Variants in ZNF740 observed in about 807,000 individuals in gnomAD.
ZNF740 encodes the protein zinc finger protein 740.
Under a neutral mutation model 24.8 loss-of-function variants are expected in ZNF740, and 14 were observed. The ratio of observed to expected loss-of-function variants is 0.56; its 90% CI spans 0.37 to 0.88. The LOEUF (loss-of-function observed/expected upper bound fraction) is 0.88, where lower values mean the gene tolerates loss of function less well. ZNF740 is among the 40% of genes least tolerant of loss of function. ZNF740 has a pLI of 0.00. For missense variants in ZNF740, 201 were observed against 247.9 expected, an observed-to-expected ratio of 0.81 and a Z score of 1.27; for synonymous variants, 69 against 84.0, an observed-to-expected ratio of 0.82 and a Z score of 0.98.
chr12:53,184,124 T>G (rs984809401), intron 2 of ZNF740, among the ~76,000 whole-genome samples: 25 of 119,522 alleles, frequency 2.1e-4, no homozygotes, highest in African/African-American at 9.3e-4. Flanking sequence ...GGTGTGTGTG[T>G]GTGTGTGTGT....
In ZNF740 at chr12:53,185,005, G is replaced by T. The variant is rs1229567328; in HGVS notation, c.124G>T (p.Ala42Ser). The T allele has an allele frequency of 6.2e-7, 1 of 1,614,048 alleles. No individual in the cohort carries two copies. The highest frequency in any genetic ancestry group is 1.3e-5 in the African/African-American group (1 of 75,060). The change falls in exon 3 of 7, where the codon GCA becomes TCA. Residue 42 changes from alanine to serine, a missense_variant. Physicochemically the swap from Ala to Ser is moderately conservative, Grantham distance 99 (BLOSUM62 1). Coordinates refer to ENST00000416904, the MANE Select transcript of ZNF740 (RefSeq NM_001004304.4). ...CAAGCAGGCCGAGAATGGCGAGCGG[G>T]CAGGTAGCCCTGATGTGCTGAGGTG... Reference protein sequence around the residue: ...ASKQAENGERAGSPDVLRCSS... With the variant: ...ASKQAENGERSGSPDVLRCSS...
chr12:53,193,552 TG>T lies in ZNF740; in HGVS notation c.*5964del. ...GGGAGCCCCAGTCAGGGGGAGGGCC[TG>T]GACATACATGGGAAGCTTCAAGGGA... On this transcript the variant is annotated 3_prime_UTR_variant, in exon 7 of 7. Coordinates refer to ENST00000416904, the MANE Select transcript of ZNF740 (RefSeq NM_001004304.4). The T allele has an allele frequency of 1.3e-6, 1 of 767,604 alleles. No individual in the cohort carries two copies. The highest frequency in any genetic ancestry group is 2.1e-6 in the Non-Finnish European group (1 of 478,994). 47.5% of individuals were successfully genotyped at this position (767,604 alleles called of 1,614,324 possible). A position where few individuals can be genotyped will look rare whatever the true frequency, so the allele number is the denominator to read the frequency against.
rs1941935280 is a variant in ZNF740, at chr12:53,191,362, C to T, written c.*3772C>T. The T allele has an allele frequency of 3.3e-6, 2 of 607,960 alleles. No individual in the cohort carries two copies. The highest frequency in any genetic ancestry group is 5.2e-5 in the Admixed American group (2 of 38,192). 37.7% of individuals were successfully genotyped at this position (607,960 alleles called of 1,614,324 possible). A position where few individuals can be genotyped will look rare whatever the true frequency, so the allele number is the denominator to read the frequency against. Reference sequence around the variant, plus strand: ...TTATTGTATACTTGGGTGGGGTAGCCCAGATGGATGCAAGGTTGCAGGCAT... The same window carrying T: ...TTATTGTATACTTGGGTGGGGTAGCTCAGATGGATGCAAGGTTGCAGGCAT... On this transcript the variant is annotated 3_prime_UTR_variant, in exon 7 of 7. Coordinates refer to ENST00000416904, the MANE Select transcript of ZNF740 (RefSeq NM_001004304.4).
rs1592388152 is a variant in ZNF740, at chr12:53,186,289, G to GGT, written c.374-99_374-98dup. Reference sequence around the variant, plus strand: ...ACCTCTCCCCATTTATGATCACTTAGGTGTCTACACATTACTAAGAGTTAA... The same window carrying GGT: ...ACCTCTCCCCATTTATGATCACTTAGGTGTGTCTACACATTACTAAGAGTTAA... On this transcript the variant is annotated intron_variant, in intron 5 of 6. Transcript: ENST00000416904. The GGT allele has an allele frequency of 7.4e-6, 9 of 1,212,232 alleles. No individual in the cohort carries two copies. In the East Asian group the frequency reaches 2.3e-4, roughly 31 times the overall value. 75.1% of individuals were successfully genotyped at this position (1,212,232 alleles called of 1,614,324 possible). A position where few individuals can be genotyped will look rare whatever the true frequency, so the allele number is the denominator to read the frequency against.
chr12:53,194,650 G>A lies in ZNF740; in HGVS notation c.*7060G>A. On this transcript the variant is annotated 3_prime_UTR_variant, in exon 7 of 7. Transcript: ENST00000416904. ...ACCATGTTTGTGAAGCCCCACATCA[G>A]GACACATAACCTGGGTGCATGCCAG... is the stretch of plus-strand genomic sequence containing the variant. The A allele has an allele frequency of 3.3e-6, 1 of 301,824 alleles. No individual in the cohort carries two copies. Among genetic ancestry groups the A allele is most frequent in the Non-Finnish European group, 6.4e-6 (1 of 156,922 alleles). 18.7% of individuals were successfully genotyped at this position (301,824 alleles called of 1,614,324 possible).
rs1941919356 is a variant in ZNF740, at chr12:53,190,807, ATGTT to A, written c.*3218_*3221del. The A allele has an allele frequency of 6.6e-6, 1 of 151,996 alleles. No individual in the cohort carries two copies. The highest frequency in any genetic ancestry group is 1.5e-5 in the Non-Finnish European group (1 of 68,068). 9.4% of individuals were successfully genotyped at this position (151,996 alleles called of 1,614,324 possible). ...TCTTTTTACCATTAAAGTGCAGTGT[ATGTT>A]CCTTCGTGATATATTTAGGATATTT... is the stretch of plus-strand genomic sequence containing the variant. On this transcript the variant is annotated 3_prime_UTR_variant, in exon 7 of 7. Transcript: ENST00000416904.
chr12:53,187,446 C>A, intron 6 of ZNF740, 55 bp from the exon 7 acceptor site: 1 of 1,475,324 alleles, frequency 6.8e-7, no homozygotes, highest in Non-Finnish European at 9.4e-7. Flanking sequence ...AATGAGTTAG[C>A]CAACAGGTAG....
In ZNF740 at chr12:53,192,394, C is replaced by A; in HGVS notation, c.*4804C>A. 1 of 1,614,130 alleles carries A rather than the reference C, an allele frequency of 6.2e-7. No individual in the cohort carries two copies. Among genetic ancestry groups the A allele is most frequent in the African/African-American group, 1.3e-5 (1 of 75,026 alleles). On this transcript the variant is annotated 3_prime_UTR_variant, in exon 7 of 7. Coordinates refer to ENST00000416904, the MANE Select transcript of ZNF740 (RefSeq NM_001004304.4). ...CGTCATCCTCCACCAAGAAGAAGAA[C>A]AGCTGGTTGTCCAGGGTCCGCTCTT... is the stretch of plus-strand genomic sequence containing the variant.
chr12:53,185,837 T>G, intron 4 of ZNF740, 117 bp from the exon 5 acceptor site: 1 of 1,393,312 alleles, frequency 7.2e-7, no homozygotes, highest in Non-Finnish European at 9.7e-7. Context: ...GGCAGCACCT[T>G]TAGACAGCAT....
chr12:53,184,113 G>GT (rs1214308586), intron 2 of ZNF740, among the ~76,000 whole-genome samples: 5 of 103,222 alleles, frequency 4.8e-5, no homozygotes, highest in African/African-American at 1.7e-4. Context: ...TGAAGCTAAG[G>GT]GGTGTGTGTG....
In ZNF740 at chr12:53,185,464, G is replaced by T. The variant is rs1414576306; in HGVS notation, c.237G>T (p.Lys79Asn). The T allele has an allele frequency of 6.2e-7, 1 of 1,613,902 alleles. No homozygotes were observed. The change falls in exon 4 of 7, where the codon AAG becomes AAT. Residue 79 changes from lysine (K) to asparagine (N), a missense_variant. Around this residue, in one of 3 missense-constraint regions of ZNF740, gnomAD observed 117 missense variants for 122.3 expected, o/e 0.96. Coordinates refer to ENST00000416904, the MANE Select transcript of ZNF740 (RefSeq NM_001004304.4). ...DSLSEASHSK[K>N]TVKKVVVVEQ... ...TGTCTGAGGCCTCTCATTCAAAAAA[G>T]ACTGTTAAAAAGGCAGGTAATGGGG...
At chr12:53,184,283 G>A (rs182859107) in intron 2 of ZNF740, among the ~76,000 whole-genome samples, 2 of 151,940 alleles carry the variant, frequency 1.3e-5, no homozygotes, top group Non-Finnish European at 2.9e-5. Context: ...CCGCCTCCCG[G>A]GTTCAAGCAA....
In ZNF740 at chr12:53,192,242, C is replaced by T; in HGVS notation, c.*4652C>T. On this transcript the variant is annotated 3_prime_UTR_variant, in exon 7 of 7. Transcript: ENST00000416904. Reference sequence around the variant, plus strand: ...TCACAGTTCTGCTTCAGCCCCCAGCCTGTTTCCCATTATCTTCACTCTGCA... The same window carrying T: ...TCACAGTTCTGCTTCAGCCCCCAGCTTGTTTCCCATTATCTTCACTCTGCA... 7.1e-7 allele frequency: 1 copy of T among 1,416,568 alleles called. No individual in the cohort carries two copies. 87.7% of individuals were successfully genotyped at this position (1,416,568 alleles called of 1,614,324 possible).
intron 5 of ZNF740, 80 bp downstream of exon 5, chr12:53,186,157 T>A: frequency 3.3e-6 from 5 of 1,516,944 alleles, no homozygotes; most frequent in Non-Finnish European, 4.5e-6. Context: ...TCTAGTTGGG[T>A]TTATTTTAAT....
In ZNF740 at chr12:53,181,738, ACT is replaced by A. The variant is rs747820214; in HGVS notation, c.-241_-240del. On this transcript the variant is annotated 5_prime_UTR_variant, in exon 2 of 7. Transcript: ENST00000416904. ...TCAACTGGAAAACCAAGACTGGTAG[ACT>A]CTCTTTTTCTTCAGACAATAGGCAG... 6.5e-5 allele frequency: 35 copies of A among 540,192 alleles called. No individual in the cohort carries two copies. The highest frequency in any genetic ancestry group is 3.5e-4 in the East Asian group (10 of 28,790). The allele number at this position is 540,192 out of a possible 1,614,324, so 33.5% of individuals were successfully genotyped here.
At chr12:53,186,174 GT>G in intron 5 of ZNF740, 97 bp downstream of exon 5, 1 of 1,449,256 alleles carries the variant, frequency 6.9e-7, no homozygotes, top group African/African-American at 1.4e-5. Flanking sequence ...TAATGGGTAA[GT>G]ATTAGAAATG....
chr12:53,185,946 G>T lies in ZNF740; in HGVS notation c.250-8G>T. ...TGGCCTCATGACATGCCTGATTATTGCCCCCAGGTGGTGGTAGTGGAACAA... is the reference window on the plus strand; with the variant it reads ...TGGCCTCATGACATGCCTGATTATTTCCCCCAGGTGGTGGTAGTGGAACAA... On this transcript the variant is annotated splice_polypyrimidine_tract_variant and splice_region_variant and intron_variant, in intron 4 of 6. Transcript: ENST00000416904. The T allele has an allele frequency of 6.2e-7, 1 of 1,613,370 alleles. No homozygotes were observed. The highest frequency in any genetic ancestry group is 8.5e-7 in the Non-Finnish European group (1 of 1,179,560).
rs774340954 is a variant in ZNF740 at position 53,192,396 on chromosome 12, G to A, written c.*4806G>A. 15 of 1,614,014 alleles carry A rather than the reference G, an allele frequency of 9.3e-6. No individual in the cohort carries two copies. The highest frequency in any genetic ancestry group is 1.1e-5 in the Non-Finnish European group (13 of 1,180,034). On this transcript the variant is annotated 3_prime_UTR_variant, in exon 7 of 7. Transcript: ENST00000416904. The stretch of plus-strand genomic sequence containing the variant: ...TCATCCTCCACCAAGAAGAAGAACA[G>A]CTGGTTGTCCAGGGTCCGCTCTTTG...
Position 53,194,223 on chromosome 12 carries a change from C to T in ZNF740, c.*6633C>T. On this transcript the variant is annotated 3_prime_UTR_variant, in exon 7 of 7. Transcript: ENST00000416904. ...CGTCTGGTTGATTCGGACGTGGTTG[C>T]ACTGTCCTCGATCCTCAGCCTTACC... 1 of 1,614,080 alleles carries T rather than the reference C, an allele frequency of 6.2e-7. No individual in the cohort carries two copies. Among genetic ancestry groups the T allele is most frequent in the Non-Finnish European group, 8.5e-7 (1 of 1,180,002 alleles).
Sources: allele counts gnomAD v4.1 joint callset (sites outside exome capture counted in the v4.1 genomes callset), GRCh38; gene constraint gnomAD v4.1.1; regional missense constraint gnomAD v4.1.1; transcripts MANE v1.5; gene names NCBI Gene and HGNC (gene_info 2026-07-23, HGNC 2026-07-21).